The following PSD3 variants were observed in gnomAD, a reference collection of about 807,000 sequenced individuals.
The protein encoded by PSD3 is pleckstrin and Sec7 domain containing 3, also known as PH and SEC7 domain-containing protein 3.
In PSD3, 49 loss-of-function variants were observed where a neutral mutation model predicts 105.5. That is an observed-to-expected ratio of 0.46 (90% CI 0.37 to 0.59). PSD3 has a LOEUF of 0.59. PSD3 is among the 20% of genes least tolerant of loss of function. The probability of loss-of-function intolerance (pLI) is 0.00; values close to 1 mark genes in which losing one functional copy is unlikely to be tolerated. For synonymous variants in PSD3, 557 were observed against 457.8 expected, an observed-to-expected ratio of 1.22 and a Z score of -2.77; for missense variants, 1,561 against 1,263.8, an observed-to-expected ratio of 1.24 and a Z score of -3.57.
rs539087555 is a variant in PSD3 at position 18,801,391 on chromosome 8, G to C, written c.1911-9C>G. On this transcript the variant is annotated splice_polypyrimidine_tract_variant and intron_variant, in intron 6 of 15. Transcript: ENST00000327040. ...ATGCTTTAAAGAAATACCTACAAGA[G>C]AATTAAAAATTTAAACAGTGAAATT... 9.1e-6 allele frequency: 14 copies of C among 1,530,812 alleles called. No individual in the cohort carries two copies. The highest frequency in any genetic ancestry group is 1.2e-5 in the South Asian group (1 of 85,544). The allele number at this position is 1,530,812 out of a possible 1,614,324, so 94.8% of individuals were successfully genotyped here. A position where few individuals can be genotyped will look rare whatever the true frequency, so the allele number is the denominator to read the frequency against.
At chr8:19,055,159 G>T (rs1167734504) in intron 1 of PSD3, among the ~76,000 whole-genome samples, 1 of 152,184 alleles carries the variant, frequency 6.6e-6, no homozygotes, top group Non-Finnish European at 1.5e-5. Flanking sequence ...ATGTTGCTAT[G>T]TTGCCATAGA....
intron 8 of PSD3, chr8:18,774,791 C>T (rs903272941): frequency 1.2e-5 from 5 of 426,950 alleles, no homozygotes; most frequent in Admixed American, 7.7e-5. Flanking sequence ...TCTAAGAGAA[C>T]TGGAATGTCG....
chr8:18,772,275 G>A (rs1216044132), intron 8 of PSD3, among the ~76,000 whole-genome samples: 2 of 152,094 alleles, frequency 1.3e-5, no homozygotes, highest in Non-Finnish European at 2.9e-5. Context: ...TCACATGATA[G>A]TTATATTTCT....
At chr8:18,738,470 T>C (rs540557323) in intron 9 of PSD3, among the ~76,000 whole-genome samples, 3 of 152,224 alleles carry the variant, frequency 2.0e-5, no homozygotes, top group Non-Finnish European at 4.4e-5. Flanking sequence ...GTTTATACTG[T>C]GAATAGTTGC....
chr8:19,011,102 A>G (rs923510420), intron 1 of PSD3, among the ~76,000 whole-genome samples: 2 of 152,128 alleles, frequency 1.3e-5, no homozygotes, highest in African/African-American at 2.4e-5. Context: ...ATCACTATCC[A>G]TAACTCACCT....
chr8:18,621,121 C>T (rs554714395), intron 11 of PSD3, among the ~76,000 whole-genome samples: 152 of 152,132 alleles, frequency 1.0e-3, no homozygotes, highest in African/African-American at 3.5e-3. Flanking sequence ...AAGAGTATTG[C>T]TTCCAGCCAG....
In PSD3 at chr8:18,712,542, C is replaced by A. The variant is rs368953843; in HGVS notation, c.2172+52907G>T. On this transcript the variant is annotated intron_variant, in intron 9 of 15. Transcript: ENST00000327040. ...TAGAAGAAATGGATATATTCCTAGACACATACACACATACACCTTCCCAAG... is the reference window on the plus strand; with the variant it reads ...TAGAAGAAATGGATATATTCCTAGAAACATACACACATACACCTTCCCAAG... 7.8e-4 allele frequency among the ~76,000 whole-genome samples: 118 copies of A among 152,226 alleles called. 1 individual carries two copies. Among genetic ancestry groups the A allele is most frequent in the African/African-American group, 2.6e-3 (110 of 41,536 alleles).
intron 9 of PSD3, 42 bp downstream of exon 9, chr8:18,765,407 G>T: frequency 6.6e-7 from 1 of 1,506,674 alleles, no homozygotes; most frequent in Non-Finnish European, 9.2e-7. Context: ...GCAGCAAACA[G>T]AAATACAAGC....
At chr8:19,031,727 T>C (rs566543056) in intron 1 of PSD3, among the ~76,000 whole-genome samples, 1 of 152,292 alleles carries the variant, frequency 6.6e-6, no homozygotes, top group South Asian at 2.1e-4. Context: ...ATGGGTGACA[T>C]TCTGATGATC....
chr8:18,980,962 T>C (rs958599871), intron 1 of PSD3, among the ~76,000 whole-genome samples: 7 of 152,146 alleles, frequency 4.6e-5, no homozygotes, highest in African/African-American at 1.7e-4. Context: ...CACCCTCTTC[T>C]CCTCACACCC....
At chr8:18,988,680 C>T (rs763703311) in intron 1 of PSD3, among the ~76,000 whole-genome samples, 3 of 152,142 alleles carry the variant, frequency 2.0e-5, no homozygotes, top group Non-Finnish European at 2.9e-5. Context: ...ACATTAATGA[C>T]ACTATCACAT....
intron 12 of PSD3, among the ~76,000 whole-genome samples, chr8:18,585,911 G>A (rs749579673): frequency 1.3e-5 from 2 of 152,068 alleles, no homozygotes; most frequent in South Asian, 2.1e-4. Context: ...CTACTTACTG[G>A]AGTATGACTC....
chr8:18,959,077 C>CA (rs146899840), intron 1 of PSD3, among the ~76,000 whole-genome samples: 2,307 of 152,144 alleles, frequency 0.015, 62 homozygotes, highest in African/African-American at 0.053. Context: ...CACATCATCA[C>CA]GCTCAGCTAA....
intron 4 of PSD3, among the ~76,000 whole-genome samples, chr8:18,852,626 T>G (rs1017846064): frequency 6.6e-6 from 1 of 152,170 alleles, no homozygotes; most frequent in African/African-American, 2.4e-5. Flanking sequence ...CAGCCCCCGT[T>G]GCCACTGAAG....
intron 14 of PSD3, among the ~76,000 whole-genome samples, chr8:18,568,281 C>T (rs757245317): frequency 6.7e-6 from 1 of 149,348 alleles, no homozygotes; most frequent in East Asian, 2.0e-4. Flanking sequence ...CTTCATGGAA[C>T]CTTTTCCCCC....
intron 14 of PSD3, 83 bp from the exon 15 acceptor site, chr8:18,556,435 G>A: frequency 1.4e-6 from 2 of 1,420,748 alleles, no homozygotes; most frequent in South Asian, 1.3e-5. Flanking sequence ...AAAATCCCCT[G>A]TGCTGAATGA....
At chr8:18,620,488 T>C (rs1184207653) in intron 11 of PSD3, among the ~76,000 whole-genome samples, 1 of 151,992 alleles carries the variant, frequency 6.6e-6, no homozygotes, top group Non-Finnish European at 1.5e-5. Context: ...GCCTGGTGGA[T>C]CACTTGAGCC....
At chr8:18,888,563 G>T (rs1252886283) in intron 2 of PSD3, among the ~76,000 whole-genome samples, 1 of 151,970 alleles carries the variant, frequency 6.6e-6, no homozygotes, top group African/African-American at 2.4e-5. Context: ...AGCACTCAGA[G>T]TAGCAACCAG....
rs568648756 is a variant in PSD3, at chr8:19,082,929, C to G, written c.324+1277G>C. Among the ~76,000 whole-genome samples, 377 of 152,268 alleles carry G rather than the reference C, an allele frequency of 2.5e-3. 3 individuals are homozygous for G. The highest frequency in any genetic ancestry group is 8.7e-3 in the African/African-American group (362 of 41,558). On this transcript the variant is annotated intron_variant, in intron 1 of 1. Transcript: ENST00000521475. Reference sequence around the variant, plus strand: ...GCGCTACTCTGGAGAGCTTTCTCCCCGTTTCTTAACTGTGGCTACGCAGGC... The same window carrying G: ...GCGCTACTCTGGAGAGCTTTCTCCCGGTTTCTTAACTGTGGCTACGCAGGC...
Sources: allele counts gnomAD v4.1 joint callset (sites outside exome capture counted in the v4.1 genomes callset), GRCh38; gene constraint gnomAD v4.1.1; transcripts MANE v1.5; gene names NCBI Gene and HGNC (gene_info 2026-07-23, HGNC 2026-07-21).